AFAP1: variants seen among roughly 807,000 people sequenced by gnomAD.
The protein encoded by AFAP1 is actin filament-associated protein 1.
A neutral mutation model predicts 93.9 loss-of-function variants in AFAP1; 75 were observed. That is an observed-to-expected ratio of 0.80 (90% CI 0.66 to 0.97). The LOEUF (loss-of-function observed/expected upper bound fraction) is 0.97. Among genes scored for constraint, AFAP1 ranks in the 50% least tolerant of loss-of-function variants. AFAP1 has a pLI of 0.00. For missense variants in AFAP1, 1,201 were observed against 1,050.8 expected (o/e 1.14, Z -1.98); for synonymous variants, 517 against 430.7 (o/e 1.20, Z -2.48).
At chr4:7,771,342 G>A (rs976635105) in intron 16 of AFAP1, among the ~76,000 whole-genome samples, 26 of 152,246 alleles carry the variant, frequency 1.7e-4, no homozygotes, top group Admixed American at 1.2e-3. Flanking sequence ...ATATGCATAT[G>A]TGTGTATGTA....
At chr4:7,933,640 A>G (rs1721222829) in intron 1 of AFAP1, among the ~76,000 whole-genome samples, 1 of 152,176 alleles carries the variant, frequency 6.6e-6, no homozygotes, top group Non-Finnish European at 1.5e-5. Flanking sequence ...GCCCAGGGGA[A>G]TTGGAGGGCC....
intron 1 of AFAP1, among the ~76,000 whole-genome samples, chr4:7,880,543 G>T (rs1331256836): frequency 6.6e-6 from 1 of 152,190 alleles, no homozygotes; most frequent in Non-Finnish European, 1.5e-5. Flanking sequence ...CTCCCAAAGT[G>T]CTGGGATTAC....
chr4:7,843,676 T>G, intron 4 of AFAP1: 1 of 267,830 alleles, frequency 3.7e-6, no homozygotes, highest in Non-Finnish European at 7.2e-6. Context: ...GCCATCCTCA[T>G]TCTGCAGAGT....
intron 1 of AFAP1, among the ~76,000 whole-genome samples, chr4:7,930,052 T>C (rs1720977892): frequency 1.3e-5 from 2 of 152,208 alleles, no homozygotes; most frequent in Non-Finnish European, 2.9e-5. Flanking sequence ...ACTCAATGCA[T>C]CAATCTCATT....
intron 7 of AFAP1, 64 bp from the exon 8 acceptor site, chr4:7,816,163 G>C (rs1001858071): frequency 7.3e-7 from 1 of 1,364,172 alleles, no homozygotes; most frequent in Non-Finnish European, 1.0e-6. Flanking sequence ...ATGTGTGATG[G>C]ATCAACCAAA....
intron 1 of AFAP1, among the ~76,000 whole-genome samples, chr4:7,883,088 G>A (rs779788171): frequency 6.6e-6 from 1 of 151,188 alleles, no homozygotes; most frequent in Admixed American, 6.6e-5. Flanking sequence ...AGGAGGCTGA[G>A]GCAGGAGGAT....
intron 8 of AFAP1, among the ~76,000 whole-genome samples, chr4:7,813,435 A>T (rs528150152): frequency 6.6e-6 from 1 of 152,238 alleles, no homozygotes; most frequent in Admixed American, 6.5e-5. Flanking sequence ...TGTTAAGAGG[A>T]AACAGGAGAA....
At chr4:7,913,385 C>T (rs1719883967) in intron 1 of AFAP1, among the ~76,000 whole-genome samples, 1 of 132,812 alleles carries the variant, frequency 7.5e-6, no homozygotes, top group Non-Finnish European at 1.5e-5. Flanking sequence ...AAGACCCTGT[C>T]TCCAAAAAAA....
chr4:7,835,967 G>A (rs1056252387), intron 6 of AFAP1, among the ~76,000 whole-genome samples: 2 of 152,144 alleles, frequency 1.3e-5, no homozygotes, highest in Admixed American at 6.5e-5. Context: ...CCAAGTGTGC[G>A]GGAGAGGCAA....
intron 1 of AFAP1, among the ~76,000 whole-genome samples, chr4:7,928,469 C>G (rs1288289714): frequency 6.6e-6 from 1 of 152,092 alleles, no homozygotes; most frequent in Non-Finnish European, 1.5e-5. Flanking sequence ...CTCACTGCAA[C>G]CTCCGCCTCC....
At chr4:7,841,178 G>T (rs1018075796) in intron 5 of AFAP1, among the ~76,000 whole-genome samples, 1 of 152,226 alleles carries the variant, frequency 6.6e-6, no homozygotes, top group Non-Finnish European at 1.5e-5. Context: ...CAGGAGCAAG[G>T]AGAGGGAGGA....
At chr4:7,774,524 G>A in intron 15 of AFAP1, 1 of 674,136 alleles carries the variant, frequency 1.5e-6, no homozygotes, top group South Asian at 2.2e-5. Flanking sequence ...TCTGGCCCTG[G>A]CCTCTGCCTG....
chr4:7,814,682 G>C (rs970029890), intron 8 of AFAP1, among the ~76,000 whole-genome samples: 1 of 152,208 alleles, frequency 6.6e-6, no homozygotes, highest in Non-Finnish European at 1.5e-5. Context: ...CTGCAACCGA[G>C]ATGCTTCCAC....
intron 1 of AFAP1, among the ~76,000 whole-genome samples, chr4:7,910,535 T>C (rs1577352669): frequency 6.6e-6 from 1 of 152,142 alleles, no homozygotes; most frequent in African/African-American, 2.4e-5. Context: ...AAGCAGAAAA[T>C]TGAGCAATCA....
At chr4:7,780,589 G>A (rs2148982583) in intron 13 of AFAP1, among the ~76,000 whole-genome samples, 1 of 151,916 alleles carries the variant, frequency 6.6e-6, no homozygotes, top group South Asian at 2.1e-4. Flanking sequence ...AAGGAAGGAG[G>A]ATCACTTGAG....
Position 7,763,617 on chromosome 4 carries a change from G to C in AFAP1, c.*148C>G. The C allele has an allele frequency of 1.2e-6, 1 of 800,560 alleles. No individual in the cohort carries two copies. Among genetic ancestry groups the C allele is most frequent in the Non-Finnish European group, 1.9e-6 (1 of 513,700 alleles). The allele number at this position is 800,560 out of a possible 1,614,324, so 49.6% of individuals were successfully genotyped here. A position where few individuals can be genotyped will look rare whatever the true frequency, so the allele number is the denominator to read the frequency against. ...TAGAAAGAATACAAGTGGGCCTGGG[G>C]GACAGGCACTGGCCTCAGAGCTCAG... is the stretch of plus-strand genomic sequence containing the variant. On this transcript the variant is annotated 3_prime_UTR_variant, in exon 18 of 18. Transcript: ENST00000420658.
At chr4:7,809,276 G>A (rs1719805199) in intron 9 of AFAP1, among the ~76,000 whole-genome samples, 1 of 151,294 alleles carries the variant, frequency 6.6e-6, no homozygotes, top group Admixed American at 6.6e-5. Context: ...TTCTGTAAAG[G>A]TTTTCCCATA....
At chr4:7,938,780 G>A (rs978768877) in intron 1 of AFAP1, among the ~76,000 whole-genome samples, 1 of 152,004 alleles carries the variant, frequency 6.6e-6, no homozygotes, top group Non-Finnish European at 1.5e-5. Context: ...AAGAAGCTCC[G>A]GGCAGTAGGG....
chr4:7,763,869 A>C (rs1714157431), intron 17 of AFAP1, 78 bp from the exon 18 acceptor site: 2 of 1,448,638 alleles, frequency 1.4e-6, no homozygotes, highest in Non-Finnish European at 1.9e-6. Context: ...ATCCACATTC[A>C]ACTCAGAGGG....
Sources: gnomAD v4.1 joint callset for allele counts (sites outside exome capture counted in the v4.1 genomes callset) on GRCh38, gnomAD v4.1.1 for gene constraint, MANE v1.5 for transcripts, NCBI Gene and HGNC (gene_info 2026-07-23, HGNC 2026-07-21) for gene names.